The following STEAP2 variants were observed in gnomAD, a reference collection of about 807,000 sequenced individuals.
STEAP2 encodes the protein STEAP2 metalloreductase.
A neutral mutation model predicts 46.4 loss-of-function variants in STEAP2; 30 were observed. That is an observed-to-expected ratio of 0.65 (90% CI 0.48 to 0.88). The LOEUF is 0.88. STEAP2 is among the 40% of genes least tolerant of loss of function. STEAP2 has a pLI of 0.00. For missense variants in STEAP2, 513 were observed against 579.3 expected, an observed-to-expected ratio of 0.89 and a Z score of 1.18; for synonymous variants, 180 against 200.5, an observed-to-expected ratio of 0.90 and a Z score of 0.86.
Position 90,211,803 on chromosome 7 carries a change from T to TCGCTGCCAAGCCGGCCTCCGCGCGC in STEAP2, c.-387_-363dup, listed in dbSNP as rs1191952410. ...CGGGCACGCAGCCCCTAGCGGCGCG[T>TCGCTGCCAAGCCGGCCTCCGCGCGC]CGCTGCCAAGCCGGCCTCCGCGCGC... On this transcript the variant is annotated 5_prime_UTR_variant, in exon 1 of 6. Transcript: ENST00000394621. 2 of 152,660 alleles carry TCGCTGCCAAGCCGGCCTCCGCGCGC rather than the reference T, an allele frequency of 1.3e-5. No individual in the cohort carries two copies. Among genetic ancestry groups the TCGCTGCCAAGCCGGCCTCCGCGCGC allele is most frequent in the Admixed American group, 1.3e-4 (2 of 15,294 alleles). The allele number at this position is 152,660 out of a possible 1,614,324, so 9.5% of individuals were successfully genotyped here. A position where few individuals can be genotyped will look rare whatever the true frequency, so the allele number is the denominator to read the frequency against.
chr7:90,240,446 T>G (rs564787322), downstream of STEAP2, among the ~76,000 whole-genome samples: 1 of 152,330 alleles, frequency 6.6e-6, no homozygotes, highest in Admixed American at 6.5e-5. This position sits in a 1 kb window ranked among gnomAD's most constrained non-coding sequence, Gnocchi z 4.1. Flanking sequence ...GAATAACATT[T>G]GCTTGCACAT....
rs1746533640 is a variant in STEAP2 at position 90,215,677 on chromosome 7, A to T, written c.-146-814A>T. ...CTATTTGTTTGCTGTTTAACAAAGG[A>T]AATTGAGACTCAGAGAATCAAAGTG... On this transcript the variant is annotated intron_variant, in intron 1 of 5. Transcript: ENST00000394621. 6 of 152,214 alleles carry T rather than the reference A, an allele frequency of 3.9e-5. No individual in the cohort carries two copies. In the South Asian group the frequency reaches 1.2e-3, roughly 32 times the overall value. 9.4% of individuals were successfully genotyped at this position (152,214 alleles called of 1,614,324 possible).
At chr7:90,225,626 A>G in intron 3 of STEAP2, 52 bp downstream of exon 3, 1 of 1,501,196 alleles carries the variant, frequency 6.7e-7, no homozygotes, top group South Asian at 1.4e-5. Context: ...GTAGTTAAAC[A>G]ACTAAGCAAA....
rs1050302854 is a variant in STEAP2 at position 90,225,427 on chromosome 7, T to A, written c.345T>A (p.Asp115Glu). 2 of 1,613,740 alleles carry A rather than the reference T, an allele frequency of 1.2e-6. No homozygotes were observed. Among genetic ancestry groups the A allele is most frequent in the African/African-American group, 2.7e-5 (2 of 74,870 alleles). ...TGCTTGTGGGTAAAATCCTGATTGATGTGAGCAATAACATGAGGATAAACC... is the reference window on the plus strand; with the variant it reads ...TGCTTGTGGGTAAAATCCTGATTGAAGTGAGCAATAACATGAGGATAAACC... Reference protein sequence around the residue: ...RHLLVGKILIDVSNNMRINQY... With the variant: ...RHLLVGKILIEVSNNMRINQY... Residue 115 changes from aspartate (D) to glutamate (E), a missense_variant, in exon 3 of 6, where the codon GAT becomes GAA. Coordinates refer to ENST00000394621, the MANE Select transcript of STEAP2 (RefSeq NM_001244944.2).
chr7:90,228,334 T>C (rs796896229), intron 4 of STEAP2, among the ~76,000 whole-genome samples: 6 of 151,652 alleles, frequency 4.0e-5, no homozygotes, highest in African/African-American at 1.4e-4. Flanking sequence ...CTTAAGCTTG[T>C]TTCAACAATA....
At chr7:90,224,215 A>G (rs1275733110) in intron 2 of STEAP2, among the ~76,000 whole-genome samples, 1 of 152,162 alleles carries the variant, frequency 6.6e-6, no homozygotes, top group Non-Finnish European at 1.5e-5. Context: ...AGGTTCAGAC[A>G]CTGGACCAAA....
intron 1 of STEAP2, among the ~76,000 whole-genome samples, chr7:90,214,221 G>A (rs1178026495): frequency 1.3e-5 from 2 of 152,142 alleles, no homozygotes. Context: ...AGGAATTGGT[G>A]CAGGATTTTA....
chr7:90,212,945 C>T (rs1204088280), intron 1 of STEAP2, among the ~76,000 whole-genome samples: 1 of 150,664 alleles, frequency 6.6e-6, no homozygotes, highest in East Asian at 2.0e-4. Context: ...TTTATTATTT[C>T]TTCATTTTAT....
chr7:90,226,638 T>G (rs1029759142), intron 3 of STEAP2, among the ~76,000 whole-genome samples: 2 of 152,180 alleles, frequency 1.3e-5, no homozygotes, highest in African/African-American at 4.8e-5. Flanking sequence ...TTTAGAGTCC[T>G]TATACAAACA....
chr7:90,227,550 G>C, intron 4 of STEAP2, 52 bp downstream of exon 4: 6 of 1,419,822 alleles, frequency 4.2e-6, no homozygotes, highest in Non-Finnish European at 5.6e-6. Context: ...CTTTTTATTA[G>C]TATAAATTGT....
intron 2 of STEAP2, among the ~76,000 whole-genome samples, chr7:90,222,980 T>A (rs188310336): frequency 9.8e-5 from 15 of 152,306 alleles, no homozygotes; most frequent in Admixed American, 7.2e-4. Flanking sequence ...TCAGACCCAA[T>A]TTCGACACTA....
In STEAP2 at chr7:90,232,482, T is replaced by C. The variant is rs970047039; in HGVS notation, c.1331T>C (p.Leu444Pro). ...CTTGTTTTGCCCTCAATTGTAATTCTGGGTAAGATTATTTTATTCCTTCCA... is the reference window on the plus strand; with the variant it reads ...CTTGTTTTGCCCTCAATTGTAATTCCGGGTAAGATTATTTTATTCCTTCCA... ...LALVLPSIVI[L>P]GKIILFLPCI... Residue 444 changes from leucine (L) to proline (P), a missense_variant, in exon 6 of 6, where the codon CTG becomes CCG. Physicochemically the swap from Leu to Pro is moderately conservative, Grantham distance 98. Transcript: ENST00000394621. 6.2e-7 allele frequency: 1 copy of C among 1,613,634 alleles called. No homozygotes were observed. The highest frequency in any genetic ancestry group is 2.2e-5 in the East Asian group (1 of 44,868).
At chr7:90,219,783 G>A (rs1031556870) in intron 2 of STEAP2, among the ~76,000 whole-genome samples, 5 of 152,046 alleles carry the variant, frequency 3.3e-5, no homozygotes, top group East Asian at 1.9e-4. Flanking sequence ...GAGGGAGTGC[G>A]GTTATGCAAT....
chr7:90,233,544 C>T lies in STEAP2; in HGVS notation c.*920C>T. ...TTATACTGATGTTCTTTGAGGGATT[C>T]TGATGTGCTAGGCATGGTTCTAAGT... On this transcript the variant is annotated 3_prime_UTR_variant, in exon 6 of 6. Coordinates refer to ENST00000394621, the MANE Select transcript of STEAP2 (RefSeq NM_001244944.2). 2 of 983,008 alleles carry T rather than the reference C, an allele frequency of 2.0e-6. No homozygotes were observed. The highest frequency in any genetic ancestry group is 2.4e-6 in the Non-Finnish European group (2 of 827,746). 60.9% of individuals were successfully genotyped at this position (983,008 alleles called of 1,614,324 possible).
In STEAP2 at chr7:90,233,653, C is replaced by T. The variant is rs774453178; in HGVS notation, c.*1029C>T. 1.1e-4 allele frequency: 99 copies of T among 875,238 alleles called. No individual in the cohort carries two copies. The highest frequency in any genetic ancestry group is 1.2e-4 in the Non-Finnish European group (89 of 729,742). The allele number at this position is 875,238 out of a possible 1,614,324, so 54.2% of individuals were successfully genotyped here. ...TATCCTCATTTTACACATGAGGGAC[C>T]GAAGGATAGAAAAGTTATTTTTCAA... On this transcript the variant is annotated 3_prime_UTR_variant, in exon 6 of 6. Transcript: ENST00000394621.
At chr7:90,241,294 G>A (rs1311600477), downstream of STEAP2, among the ~76,000 whole-genome samples, 3 of 152,054 alleles carry the variant, frequency 2.0e-5, no homozygotes, top group East Asian at 1.9e-4. Flanking sequence ...TCCACCAGGC[G>A]GCAAGAGAGT....
At chr7:90,224,460 G>A (rs1795391852) in intron 2 of STEAP2, among the ~76,000 whole-genome samples, 1 of 152,168 alleles carries the variant, frequency 6.6e-6, no homozygotes, top group Non-Finnish European at 1.5e-5. Flanking sequence ...TGCTACTCTA[G>A]GCACACTGCC....
chr7:90,225,020 C>T, intron 2 of STEAP2, 30 bp from the exon 3 acceptor site: 1 of 1,553,320 alleles, frequency 6.4e-7, no homozygotes, highest in Middle Eastern at 1.7e-4. Flanking sequence ...TAATAGGTAA[C>T]TGATGACCAT....
chr7:90,229,794 TA>T, intron 4 of STEAP2, 77 bp from the exon 5 acceptor site: 1 of 1,539,054 alleles, frequency 6.5e-7, no homozygotes, highest in South Asian at 1.3e-5. Flanking sequence ...AGGTTCTTCT[TA>T]TGCCAAGAGT....
Sources: gnomAD v4.1 joint callset for allele counts (sites outside exome capture counted in the v4.1 genomes callset) on GRCh38, gnomAD v4.1.1 for gene constraint, Gnocchi (gnomAD v3.1) non-coding constraint, MANE v1.5 for transcripts, NCBI Gene and HGNC (gene_info 2026-07-23, HGNC 2026-07-21) for gene names.